Variants in PXDNL observed in about 807,000 individuals in gnomAD.
PXDNL encodes peroxidasin like.
A neutral mutation model predicts 150.8 loss-of-function variants in PXDNL; 145 were observed. That is an observed-to-expected ratio of 0.96 (90% confidence interval 0.84 to 1.10). The LOEUF (loss-of-function observed/expected upper bound fraction) is 1.10, where lower values mean the gene tolerates loss of function less well. Ranked by LOEUF, PXDNL falls within the 50% of genes least tolerant of loss-of-function variation. The pLI is 0.00. For synonymous variants in PXDNL, 757 were observed against 725.7 expected (o/e 1.04, Z -0.69); for missense variants, 2,087 against 1,873.9 (o/e 1.11, Z -2.10).
chr8:51,460,152 G>A (rs114766476), intron 8 of PXDNL, among the ~76,000 whole-genome samples: 2 of 151,464 alleles, frequency 1.3e-5, no homozygotes, highest in South Asian at 2.1e-4. Context: ...TGGAGGCTGA[G>A]GTAGGAGGAT....
chr8:51,804,685 C>T (rs936561233), intron 1 of PXDNL, among the ~76,000 whole-genome samples: 1 of 152,140 alleles, frequency 6.6e-6, no homozygotes, highest in Non-Finnish European at 1.5e-5. Flanking sequence ...CATCCCTTCA[C>T]TTCATTTATA....
intron 20 of PXDNL, among the ~76,000 whole-genome samples, chr8:51,342,196 AC>A (rs1356250413): frequency 1.3e-5 from 2 of 151,940 alleles, no homozygotes; most frequent in African/African-American, 4.8e-5. Flanking sequence ...ATAAGGTTTT[AC>A]CCATAAAAAA....
rs575145051 is a variant in PXDNL, at chr8:51,703,481, G to A, written c.165-48721C>T. Among the ~76,000 whole-genome samples, 5 of 152,170 alleles carry A rather than the reference G, an allele frequency of 3.3e-5. No individual in the cohort carries two copies. In the East Asian group the frequency reaches 5.8e-4, roughly 18 times the overall value. On this transcript the variant is annotated intron_variant, in intron 1 of 22. Transcript: ENST00000356297. ...ATCGTATCTTTGCCAACAATCTCAG[G>A]ATTTGATTTGTTTTTGTTTTTGTTT...
At chr8:51,409,852 C>T (rs1481541204) in intron 16 of PXDNL, among the ~76,000 whole-genome samples, 3 of 152,164 alleles carry the variant, frequency 2.0e-5, no homozygotes, top group South Asian at 4.1e-4. Context: ...CAGCCAGACA[C>T]TAAAAGATGT....
At chr8:51,397,774 CT>C (rs1808129137) in intron 17 of PXDNL, among the ~76,000 whole-genome samples, 1 of 151,796 alleles carries the variant, frequency 6.6e-6, no homozygotes, top group East Asian at 2.0e-4. Flanking sequence ...TATTATTATA[CT>C]TTAAGTTCTA....
rs190017800 is a variant in PXDNL at position 51,692,303 on chromosome 8, A to T, written c.165-37543T>A. ...TTCCAAGAAACACAAAAAGAAGTCC[A>T]GAGAAAGACAACTATTAAATTATTT... On this transcript the variant is annotated intron_variant, in intron 1 of 22. Coordinates refer to ENST00000356297, the MANE Select transcript of PXDNL (RefSeq NM_144651.5). Among the ~76,000 whole-genome samples, 4 of 152,352 alleles carry T rather than the reference A, an allele frequency of 2.6e-5. No individual in the cohort carries two copies. The East Asian group carries it at 7.7e-4, about 29-fold the overall frequency.
rs969622914 is a variant in PXDNL at position 51,695,756 on chromosome 8, C to G, written c.165-40996G>C. ...CATGAGCTTTCTTCTGCTAGAAAAGCTAAGATGACTCTGAAAGCAAGTGAA... is the reference window on the plus strand; with the variant it reads ...CATGAGCTTTCTTCTGCTAGAAAAGGTAAGATGACTCTGAAAGCAAGTGAA... On this transcript the variant is annotated intron_variant, in intron 1 of 22. Coordinates refer to ENST00000356297, the MANE Select transcript of PXDNL (RefSeq NM_144651.5). 5.3e-5 allele frequency among the ~76,000 whole-genome samples: 8 copies of G among 152,146 alleles called. No homozygotes were observed. In the South Asian group the frequency reaches 1.0e-3, roughly 20 times the overall value.
intron 1 of PXDNL, among the ~76,000 whole-genome samples, chr8:51,700,768 A>G (rs139779865): frequency 6.6e-6 from 1 of 151,982 alleles, no homozygotes; most frequent in Non-Finnish European, 1.5e-5. Context: ...GCACACACAT[A>G]TACACACATA....
intron 1 of PXDNL, among the ~76,000 whole-genome samples, chr8:51,738,376 G>T (rs985295355): frequency 6.6e-6 from 1 of 152,148 alleles, no homozygotes; most frequent in African/African-American, 2.4e-5. Flanking sequence ...CTTCCAGTAT[G>T]CATATCCAGT....
chr8:51,384,442 C>A (rs1013286797), intron 17 of PXDNL, among the ~76,000 whole-genome samples: 1 of 151,886 alleles, frequency 6.6e-6, no homozygotes, highest in Non-Finnish European at 1.5e-5. Context: ...TGTTTCTTTA[C>A]TTGAAAGAAA....
chr8:51,710,534 TCTC>T (rs1563514638), intron 1 of PXDNL, among the ~76,000 whole-genome samples: 1 of 152,152 alleles, frequency 6.6e-6, no homozygotes, highest in Non-Finnish European at 1.5e-5. Flanking sequence ...GTACAATAGA[TCTC>T]CTGAACTTAT....
intron 4 of PXDNL, among the ~76,000 whole-genome samples, chr8:51,545,844 G>A (rs1812349527): frequency 6.6e-6 from 1 of 152,186 alleles, no homozygotes; most frequent in African/African-American, 2.4e-5. Context: ...CTGATATTCA[G>A]AGGAAACAAA....
At chr8:51,614,033 A>C (rs1464106480) in intron 2 of PXDNL, among the ~76,000 whole-genome samples, 1 of 152,176 alleles carries the variant, frequency 6.6e-6, no homozygotes, top group African/African-American at 2.4e-5. Context: ...CTCCCACCTG[A>C]TGGTTGTGCC....
intron 17 of PXDNL, among the ~76,000 whole-genome samples, chr8:51,394,776 T>C (rs1031418339): frequency 4.6e-5 from 7 of 152,158 alleles, no homozygotes; most frequent in African/African-American, 1.7e-4. Flanking sequence ...CCTCTTTTAT[T>C]CTCAAAAATG....
chr8:51,669,270 T>C (rs1391710782), intron 1 of PXDNL, among the ~76,000 whole-genome samples: 1 of 152,248 alleles, frequency 6.6e-6, no homozygotes, highest in Admixed American at 6.5e-5. Context: ...ACTTTAAGTC[T>C]TCTGACTTTG....
chr8:51,499,854 G>T, intron 4 of PXDNL, 84 bp from the exon 5 acceptor site: 2 of 872,722 alleles, frequency 2.3e-6, no homozygotes, highest in Non-Finnish European at 3.9e-6. Context: ...TGCTTCAGCT[G>T]AAATTATGAA....
At chr8:51,700,512 T>C (rs1816234053) in intron 1 of PXDNL, among the ~76,000 whole-genome samples, 1 of 148,930 alleles carries the variant, frequency 6.7e-6, no homozygotes, top group Non-Finnish European at 1.5e-5. Flanking sequence ...CATATAAACA[T>C]AACATATATA....
chr8:51,644,560 C>T (rs1038547966), intron 2 of PXDNL, among the ~76,000 whole-genome samples: 5 of 150,570 alleles, frequency 3.3e-5, no homozygotes, highest in Admixed American at 6.6e-5. Flanking sequence ...CCCAGGTTCA[C>T]GCCATTCTCC....
At chr8:51,517,397 T>G (rs768278020) in intron 4 of PXDNL, among the ~76,000 whole-genome samples, 4 of 151,372 alleles carry the variant, frequency 2.6e-5, no homozygotes, top group Non-Finnish European at 5.9e-5. Flanking sequence ...GCAAAGTGCT[T>G]TTACTGTACT....
Sources: gnomAD v4.1 joint callset for allele counts (sites outside exome capture counted in the v4.1 genomes callset) on GRCh38, gnomAD v4.1.1 for gene constraint, MANE v1.5 for transcripts, NCBI Gene and HGNC (gene_info 2026-07-23, HGNC 2026-07-21) for gene names.